The following BTBD1 variants were observed in gnomAD, a reference collection of about 807,000 sequenced individuals.
BTBD1 encodes BTB/POZ domain-containing protein 1.
Under a neutral mutation model 48.0 loss-of-function variants are expected in BTBD1, and 34 were observed. That is an observed-to-expected ratio of 0.71 (90% CI 0.54 to 0.94). The LOEUF (loss-of-function observed/expected upper bound fraction) is 0.94, where lower values mean the gene tolerates loss of function less well. BTBD1 is among the 40% of genes least tolerant of loss of function. The pLI is 0.00. For synonymous variants in BTBD1, 261 were observed against 242.1 expected (o/e 1.08, Z -0.72); for missense variants, 543 against 625.6 (o/e 0.87, Z 1.41).
At position 83,020,767 on chromosome 15, in the gene BTBD1, G is replaced by C. The variant is rs777293558; in HGVS notation, c.1056-5C>G. The C allele has an allele frequency of 6.4e-7, 1 of 1,563,042 alleles. No homozygotes were observed. Among genetic ancestry groups the C allele is most frequent in the Non-Finnish European group, 8.8e-7 (1 of 1,136,892 alleles). On this transcript the variant is annotated splice_polypyrimidine_tract_variant and splice_region_variant and intron_variant, in intron 5 of 7. Coordinates refer to ENST00000261721, the MANE Select transcript of BTBD1 (RefSeq NM_025238.4). ...ATCCTTCTATTAACTGTGAATCTGA[G>C]AGAAAGAAGCCAAAAATAAAATATA... is the stretch of plus-strand genomic sequence containing the variant.
chr15:83,063,127 G>C (rs1324075893), intron 1 of BTBD1, among the ~76,000 whole-genome samples: 2 of 152,046 alleles, frequency 1.3e-5, no homozygotes, highest in African/African-American at 2.4e-5. Flanking sequence ...AGAATATAAT[G>C]CTCCTTCTTT....
intron 3 of BTBD1, chr15:83,044,810 A>C (rs1431542273): frequency 2.5e-6 from 3 of 1,198,052 alleles, no homozygotes; most frequent in Non-Finnish European, 3.7e-6. Context: ...TAACTAATAG[A>C]ATGATCAAGC....
Position 83,018,702 on chromosome 15 carries a change from C to G in BTBD1, c.1290+5G>C, listed in dbSNP as rs779667774. ...ACCATCTGGAACATAGTGCATGACT[C>G]TTACTTTGAGTGTTGCACATGCTGT... On this transcript the variant is annotated splice_donor_5th_base_variant and intron_variant, in intron 7 of 7. Coordinates refer to ENST00000261721, the MANE Select transcript of BTBD1 (RefSeq NM_025238.4). The G allele has an allele frequency of 6.2e-7, 1 of 1,613,496 alleles. No homozygotes were observed. Among genetic ancestry groups the G allele is most frequent in the Non-Finnish European group, 8.5e-7 (1 of 1,179,762 alleles).
intron 4 of BTBD1, 27 bp downstream of exon 4, chr15:83,041,701 T>C (rs777930749): frequency 1.9e-6 from 3 of 1,606,664 alleles, no homozygotes; most frequent in South Asian, 1.1e-5. Context: ...CAGTTTCAAA[T>C]AGATTTTGGT....
At chr15:83,020,814 T>G (rs373465021) in intron 5 of BTBD1, 52 bp from the exon 6 acceptor site, 15 of 1,166,282 alleles carry the variant, frequency 1.3e-5, no homozygotes, top group African/African-American at 1.2e-4. Context: ...GTGTTCATAT[T>G]CTGAAGGGTT....
Position 83,018,849 on chromosome 15 carries a change from A to G in BTBD1, c.1148T>C (p.Ile383Thr), listed in dbSNP as rs369493678. 1.9e-5 allele frequency: 31 copies of G among 1,610,556 alleles called. No homozygotes were observed. The highest frequency in any genetic ancestry group is 1.6e-4 in the Middle Eastern group (1 of 6,062). ...CAGGGTTTGCTTTTTCTCATATTCA[A>G]TGATCTGTAATTTTTAAGAGACAAG... Reference protein sequence around the residue: ...PTDYQVNIQIIEYEKKQTLGQ... With the variant: ...PTDYQVNIQITEYEKKQTLGQ... The change falls in exon 7 of 8, where the codon ATT (isoleucine) becomes ACT (threonine). Residue 383 changes from isoleucine (I) to threonine (T), a missense_variant. Coordinates refer to ENST00000261721, the MANE Select transcript of BTBD1 (RefSeq NM_025238.4).
intron 1 of BTBD1, among the ~76,000 whole-genome samples, 162 bp downstream of exon 1, chr15:83,066,589 C>T (rs2033276564): frequency 6.6e-6 from 1 of 152,124 alleles, no homozygotes; most frequent in Non-Finnish European, 1.5e-5. Flanking sequence ...GATTTCGACC[C>T]TCCGGAGCAT....
At chr15:83,047,736 C>T (rs912873874) in intron 3 of BTBD1, among the ~76,000 whole-genome samples, 2 of 152,172 alleles carry the variant, frequency 1.3e-5, no homozygotes, top group African/African-American at 4.8e-5. Flanking sequence ...CTATAATACT[C>T]CCTTGGTCTG....
intron 3 of BTBD1, among the ~76,000 whole-genome samples, chr15:83,043,885 C>T (rs2032818447): frequency 6.6e-6 from 1 of 152,154 alleles, no homozygotes; most frequent in Non-Finnish European, 1.5e-5. Flanking sequence ...GCCTGTACCT[C>T]AGGTCCTCAC....
intron 1 of BTBD1, among the ~76,000 whole-genome samples, chr15:83,065,983 G>GAAAAAC (rs1283582441): frequency 6.6e-6 from 1 of 151,970 alleles, no homozygotes; most frequent in African/African-American, 2.4e-5. Context: ...ATACGTTAAT[G>GAAAAAC]AAAAACAAAA....
At chr15:83,026,470 A>C (rs1016356801) in intron 5 of BTBD1, among the ~76,000 whole-genome samples, 1 of 151,868 alleles carries the variant, frequency 6.6e-6, no homozygotes, top group Non-Finnish European at 1.5e-5. Context: ...TATAACTACA[A>C]GCCTTGAACC....
intron 5 of BTBD1, chr15:83,029,515 A>G (rs1226161887): frequency 1.3e-5 from 2 of 152,174 alleles, no homozygotes; most frequent in Non-Finnish European, 2.9e-5. Flanking sequence ...CTAAGCCTGT[A>G]AAAATAACGT....
At chr15:83,056,666 T>TCCAC (rs1007607542) in intron 1 of BTBD1, 121 bp from the exon 2 acceptor site, 14 of 777,582 alleles carry the variant, frequency 1.8e-5, no homozygotes, top group East Asian at 1.1e-4. Context: ...CATCCATCCA[T>TCCAC]CCACCCACCC....
intron 2 of BTBD1, among the ~76,000 whole-genome samples, chr15:83,054,563 CTTTTTTTTTT>C (rs1178762435): frequency 9.2e-5 from 12 of 130,428 alleles, no homozygotes; most frequent in African/African-American, 3.4e-4. Flanking sequence ...AACATTTTTT[CTTTTTTTTTT>C]TTTTTTTGAG....
chr15:83,058,766 C>G (rs2033129710), intron 1 of BTBD1, among the ~76,000 whole-genome samples: 2 of 152,034 alleles, frequency 1.3e-5, no homozygotes, highest in African/African-American at 4.8e-5. Flanking sequence ...ACCATTTGCC[C>G]TTGATTAGAT....
chr15:83,048,215 G>C (rs1032430862), intron 3 of BTBD1, among the ~76,000 whole-genome samples: 1 of 152,174 alleles, frequency 6.6e-6, no homozygotes, highest in African/African-American at 2.4e-5. Flanking sequence ...CAAGCAATCA[G>C]GTTCATGGTG....
In BTBD1 at chr15:83,016,960, C is replaced by A. The variant is rs1403788317; in HGVS notation, c.*1107G>T. ...TCATTTTTTATAAGAGAATCACTTT[C>A]AAGGGAAAAAAATGGATGTTACTAT... On this transcript the variant is annotated 3_prime_UTR_variant, in exon 8 of 8. Coordinates refer to ENST00000261721, the MANE Select transcript of BTBD1 (RefSeq NM_025238.4). 1.3e-5 allele frequency: 2 copies of A among 152,226 alleles called. No homozygotes were observed. The highest frequency in any genetic ancestry group is 2.9e-5 in the Non-Finnish European group (2 of 67,980). 9.4% of individuals were successfully genotyped at this position (152,226 alleles called of 1,614,324 possible).
chr15:83,056,141 G>C (rs1425875296), intron 2 of BTBD1, among the ~76,000 whole-genome samples: 1 of 152,118 alleles, frequency 6.6e-6, no homozygotes. Flanking sequence ...CTGACCTCAA[G>C]TGATCTACCC....
chr15:83,041,727 C>T lies in BTBD1; in HGVS notation c.862+1G>A. On this transcript the variant is annotated splice_donor_variant, in intron 4 of 7. Coordinates refer to ENST00000261721, the MANE Select transcript of BTBD1 (RefSeq NM_025238.4). LOFTEE classifies it high-confidence loss of function. ...AGATTTTGGTGAATTTATACCCTTA[C>T]CTGCTGCAAATTCCTCAATTGTCAT... The T allele has an allele frequency of 1.2e-6, 2 of 1,613,744 alleles. No individual in the cohort carries two copies. Among genetic ancestry groups the T allele is most frequent in the Non-Finnish European group, 1.7e-6 (2 of 1,179,672 alleles).
Sources: gnomAD v4.1 joint callset for allele counts (sites outside exome capture counted in the v4.1 genomes callset) on GRCh38, gnomAD v4.1.1 for gene constraint, MANE v1.5 for transcripts, NCBI Gene and HGNC (gene_info 2026-07-23, HGNC 2026-07-21) for gene names.